The following ZNF506 variants were observed in gnomAD, a reference collection of about 807,000 sequenced individuals.
ZNF506 encodes the protein zinc finger protein 506.
A neutral mutation model predicts 11.6 loss-of-function variants in ZNF506; 10 were observed. That is an observed-to-expected ratio of 0.86 (90% confidence interval 0.53 to 1.46). The LOEUF (loss-of-function observed/expected upper bound fraction) is 1.46, where lower values mean the gene tolerates loss of function less well. ZNF506 is among the 40% of genes most tolerant of loss of function. ZNF506 has a pLI of 0.00. For missense variants in ZNF506, 425 were observed against 521.2 expected (o/e 0.82, Z 1.80); for synonymous variants, 156 against 173.3 (o/e 0.90, Z 0.78).
chr19:19,808,718 C>T (rs1045343160), intron 1 of ZNF506, among the ~76,000 whole-genome samples: 1 of 151,104 alleles, frequency 6.6e-6, no homozygotes, highest in African/African-American at 2.4e-5. Flanking sequence ...TGGCGGGCAC[C>T]TGTAATCCCA....
At chr19:19,820,727 T>A (rs1287747508) in intron 1 of ZNF506, 1 of 152,192 alleles carries the variant, frequency 6.6e-6, no homozygotes, top group Admixed American at 6.5e-5. Flanking sequence ...AACAACTACG[T>A]AACTATACCT....
rs769454670 is a variant in ZNF506 at position 19,795,115 on chromosome 19, T to C, written c.772A>G (p.Arg258Gly). The C allele has an allele frequency of 1.4e-5, 22 of 1,613,802 alleles. No individual in the cohort carries two copies. In the African/African-American group the frequency reaches 2.8e-4, roughly 21 times the overall value. Reference protein sequence around the residue: ...KIIHTGEKPYRCRECGKAFNH... With the variant: ...KIIHTGEKPYGCRECGKAFNH... The stretch of plus-strand genomic sequence containing the variant: ...AAAGCTTTGCCACATTCTCTACATC[T>C]GTAGGGTTTCTCTCCAGTATGAATT... The change falls in exon 4 of 4, where the codon AGA (arginine) becomes GGA (glycine). Residue 258 changes from arginine to glycine, a missense_variant. Arg to Gly is a moderately radical substitution (Grantham distance 125, BLOSUM62 -2). Transcript: ENST00000540806.
At chr19:19,818,780 A>G (rs943267981) in intron 1 of ZNF506, among the ~76,000 whole-genome samples, 8 of 152,200 alleles carry the variant, frequency 5.3e-5, no homozygotes, top group African/African-American at 1.9e-4. Flanking sequence ...AAGCAGGTGG[A>G]TCGCTTAAGA....
intron 1 of ZNF506, among the ~76,000 whole-genome samples, chr19:19,807,987 C>A (rs2062848639): frequency 6.6e-6 from 1 of 151,716 alleles, no homozygotes; most frequent in Admixed American, 6.6e-5. Flanking sequence ...GAAAGGACAG[C>A]TGCCAGATTA....
At chr19:19,800,391 A>AATATATATATATATATATATATATATAT (rs3062863) in intron 3 of ZNF506, among the ~76,000 whole-genome samples, 76 of 139,194 alleles carry the variant, frequency 5.5e-4, no homozygotes, top group East Asian at 2.1e-3. Context: ...AACTAAACAG[A>AATATATATATATATATATATATATATAT]ATATATATAT....
At chr19:19,810,360 T>C (rs2062874339) in intron 1 of ZNF506, among the ~76,000 whole-genome samples, 1 of 152,180 alleles carries the variant, frequency 6.6e-6, no homozygotes, top group African/African-American at 2.4e-5. Flanking sequence ...TAAGTCTTGA[T>C]TTAAAAAGCA....
intron 3 of ZNF506, among the ~76,000 whole-genome samples, chr19:19,805,582 T>C (rs2062829201): frequency 6.6e-6 from 1 of 152,084 alleles, no homozygotes; most frequent in Non-Finnish European, 1.5e-5. Context: ...GACTATATAG[T>C]AATAAAACAG....
intron 3 of ZNF506, among the ~76,000 whole-genome samples, chr19:19,802,809 G>C (rs552472401): frequency 6.6e-6 from 1 of 152,142 alleles, no homozygotes; most frequent in East Asian, 1.9e-4. Flanking sequence ...AAGATGAAAA[G>C]ATTAAAAGTC....
At chr19:19,797,647 G>A (rs527638266) in intron 3 of ZNF506, 1 of 151,804 alleles carries the variant, frequency 6.6e-6, no homozygotes, top group Non-Finnish European at 1.5e-5. Context: ...CTGAAAAGCT[G>A]AACAAACAAA....
intron 1 of ZNF506, among the ~76,000 whole-genome samples, chr19:19,813,800 T>C (rs2062904016): frequency 6.6e-6 from 1 of 151,714 alleles, no homozygotes; most frequent in Non-Finnish European, 1.5e-5. Flanking sequence ...CAAAATCTTG[T>C]CTCCACAGAA....
At position 19,793,526 on chromosome 19, in the gene ZNF506, T is replaced by G. The variant is rs2062711545; in HGVS notation, c.*1026A>C. Among the ~76,000 whole-genome samples, 1 of 152,208 alleles carries G rather than the reference T, an allele frequency of 6.6e-6. No homozygotes were observed. Among genetic ancestry groups the G allele is most frequent in the African/African-American group, 2.4e-5 (1 of 41,456 alleles). Reference sequence around the variant, plus strand: ...AGTACACAATGTGTGCAACAAGATCTGTGATACAAGTAAAGGTACTACAAC... The same window carrying G: ...AGTACACAATGTGTGCAACAAGATCGGTGATACAAGTAAAGGTACTACAAC... On this transcript the variant is annotated 3_prime_UTR_variant, in exon 4 of 4. Coordinates refer to ENST00000540806, the MANE Select transcript of ZNF506 (RefSeq NM_001099269.3).
intron 1 of ZNF506, among the ~76,000 whole-genome samples, chr19:19,815,726 T>G (rs1203877435): frequency 6.6e-6 from 1 of 152,244 alleles, no homozygotes; most frequent in Non-Finnish European, 1.5e-5. Context: ...ATTGTCCTCA[T>G]GGCAGATGCC....
chr19:19,808,803 A>G (rs1318593184), intron 1 of ZNF506, among the ~76,000 whole-genome samples: 1 of 145,884 alleles, frequency 6.9e-6, no homozygotes, highest in Non-Finnish European at 1.5e-5. Context: ...AGATCGCGCT[A>G]CTATACCCCT....
intron 1 of ZNF506, among the ~76,000 whole-genome samples, chr19:19,809,449 C>T (rs960956051): frequency 6.6e-6 from 1 of 152,126 alleles, no homozygotes; most frequent in Non-Finnish European, 1.5e-5. Context: ...GCATGTTTAC[C>T]TGAAGGGGAA....
Position 19,806,080 on chromosome 19 carries a change from T to A in ZNF506, c.177A>T (p.Gly59=). The A allele has an allele frequency of 1.2e-6, 2 of 1,608,864 alleles. No individual in the cohort carries two copies. The highest frequency in any genetic ancestry group is 8.5e-7 in the Non-Finnish European group (1 of 1,178,630). ...KPNLITCLEQ[G]KKPLTMKRHE... ...GCCTCTTCATAGTTAAAGGTTTTTTTCCTTGCTCCAGACAGGTGATCAGGT... is the reference window on the plus strand; with the variant it reads ...GCCTCTTCATAGTTAAAGGTTTTTTACCTTGCTCCAGACAGGTGATCAGGT... The change falls in exon 3 of 4, where the codon GGA becomes GGT. Residue 59 remains glycine (G), a synonymous_variant. Transcript: ENST00000540806.
intron 1 of ZNF506, among the ~76,000 whole-genome samples, chr19:19,817,371 T>A (rs1201634693): frequency 6.6e-6 from 1 of 152,236 alleles, no homozygotes; most frequent in Non-Finnish European, 1.5e-5. Context: ...ATAAAGATCT[T>A]ATAGTTAGTT....
chr19:19,795,185 A>G lies in ZNF506; in HGVS notation c.702T>C (p.Cys234=), dbSNP rs1280381426. ...TACAGGACTGCTTATAGGCTTTGCC[A>G]CATTCTTCACATTTGTAGGGTTTCT... ...TGEKPYKCEE[C]GKAYKQSCNL... Residue 234 remains cysteine (C), a synonymous_variant, in exon 4 of 4, where the codon TGT becomes TGC. Transcript: ENST00000540806. The G allele has an allele frequency of 2.5e-6, 4 of 1,613,720 alleles. No homozygotes were observed. The highest frequency in any genetic ancestry group is 2.5e-6 in the Non-Finnish European group (3 of 1,179,936).
intron 3 of ZNF506, among the ~76,000 whole-genome samples, chr19:19,804,924 G>C (rs2062823908): frequency 6.6e-6 from 1 of 151,896 alleles, no homozygotes; most frequent in Admixed American, 6.6e-5. Flanking sequence ...CACACACCGG[G>C]GCCTGTCATG....
chr19:19,808,068 ATC>A (rs1163976763), intron 1 of ZNF506, among the ~76,000 whole-genome samples: 1 of 148,708 alleles, frequency 6.7e-6, no homozygotes, highest in African/African-American at 2.5e-5. Flanking sequence ...AGTGAAAAAA[ATC>A]TCTCAGGGAG....
Sources: gnomAD v4.1 joint callset for allele counts (sites outside exome capture counted in the v4.1 genomes callset) on GRCh38, gnomAD v4.1.1 for gene constraint, MANE v1.5 for transcripts, NCBI Gene and HGNC (gene_info 2026-07-23, HGNC 2026-07-21) for gene names.